The following CUX2 variants were observed in gnomAD, a reference collection of about 807,000 sequenced individuals.
CUX2 encodes homeobox protein cut-like 2.
In CUX2, 40 loss-of-function variants were observed where a neutral mutation model predicts 144.8. That is an observed-to-expected ratio of 0.28 (90% CI 0.21 to 0.36). CUX2 has a LOEUF of 0.36. Among genes scored for constraint, CUX2 ranks in the 10% least tolerant of loss-of-function variants. The pLI is 1.00. For synonymous variants in CUX2, 827 were observed against 875.6 expected, an observed-to-expected ratio of 0.94 and a Z score of 0.98; for missense variants, 1,615 against 1,994.0, an observed-to-expected ratio of 0.81 and a Z score of 3.62.
At chr12:111,339,239 A>C (rs1011013611) in intron 20 of CUX2, among the ~76,000 whole-genome samples, 1 of 151,994 alleles carries the variant, frequency 6.6e-6, no homozygotes, top group African/African-American at 2.4e-5. Context: ...CAAAAAAAAA[A>C]AGAAAGAAAC....
rs759448607 is a variant in CUX2, at chr12:111,347,473, G to T, written c.3660-51G>T. ...TGCCATGTATGCAGATGGAGTCCAG[G>T]GTTTGGGAGTCCCCTGTCCAGCCCC... On this transcript the variant is annotated intron_variant, in intron 21 of 21. Coordinates refer to ENST00000261726, the MANE Select transcript of CUX2 (RefSeq NM_015267.4). The T allele has an allele frequency of 9.3e-6, 14 of 1,511,494 alleles. No individual in the cohort carries two copies. In the South Asian group the frequency reaches 1.8e-4, roughly 20 times the overall value. The allele number at this position is 1,511,494 out of a possible 1,614,324, so 93.6% of individuals were successfully genotyped here. A position where few individuals can be genotyped will look rare whatever the true frequency, so the allele number is the denominator to read the frequency against.
At chr12:111,054,416 C>T (rs566654379) in intron 1 of CUX2, among the ~76,000 whole-genome samples, 11 of 152,220 alleles carry the variant, frequency 7.2e-5, no homozygotes, top group Non-Finnish European at 1.5e-4. Flanking sequence ...ACTCTGCCTT[C>T]TCTGGCCTCA....
At chr12:111,137,178 C>G (rs1241917846) in intron 1 of CUX2, among the ~76,000 whole-genome samples, 1 of 151,970 alleles carries the variant, frequency 6.6e-6, no homozygotes, top group Non-Finnish European at 1.5e-5. Context: ...AAAGTGATCC[C>G]CCTGCCTGGG....
chr12:111,039,265 G>C lies in CUX2; in HGVS notation c.63+5025G>C, dbSNP rs370303286. On this transcript the variant is annotated intron_variant, in intron 1 of 21. Transcript: ENST00000261726. The surrounding 1 kb of genome is among the most constrained non-coding windows in gnomAD (Gnocchi z 4.2). ...CTTTGTTCCTGGCCTTGGGATTCAG[G>C]GTCCCATCTTCTGTTTGATATTTTT... Among the ~76,000 whole-genome samples, 118 of 152,064 alleles carry C rather than the reference G, an allele frequency of 7.8e-4. 1 individual carries two copies. The South Asian group carries it at 0.011, about 14-fold the overall frequency.
rs1869906803 is a variant in CUX2 at position 111,044,515 on chromosome 12, C to CT, written c.63+10277dup. Among the ~76,000 whole-genome samples the CT allele has an allele frequency of 3.3e-5, 5 of 152,222 alleles. No homozygotes were observed. In the South Asian group the frequency reaches 1.0e-3, roughly 32 times the overall value. On this transcript the variant is annotated intron_variant, in intron 1 of 21. Transcript: ENST00000261726. ...TCTGAGACAATTTCCAAACACCTCC[C>CT]TTCAGTTAGTTTGGTCCTTTGCTTG... is the stretch of plus-strand genomic sequence containing the variant.
chr12:111,333,453 T>G (rs1888206232), intron 18 of CUX2, among the ~76,000 whole-genome samples: 1 of 152,154 alleles, frequency 6.6e-6, no homozygotes, highest in African/African-American at 2.4e-5. Flanking sequence ...AGATCACTTG[T>G]GTTTAGTTTT....
At position 111,295,471 on chromosome 12, in the gene CUX2, G is replaced by A. The variant is rs757613391; in HGVS notation, c.637+62G>A. 20 of 1,434,044 alleles carry A rather than the reference G, an allele frequency of 1.4e-5. No homozygotes were observed. The highest frequency in any genetic ancestry group is 1.7e-5 in the Non-Finnish European group (18 of 1,043,086). The allele number at this position is 1,434,044 out of a possible 1,614,324, so 88.8% of individuals were successfully genotyped here. ...GGGAGGGGACGGTAATGCTGTCAAC[G>A]AGGGGTCACGGCTTGGGGTCTGCCA... is the stretch of plus-strand genomic sequence containing the variant. On this transcript the variant is annotated intron_variant, in intron 7 of 21. Transcript: ENST00000261726. The surrounding 1 kb of genome is among the most constrained non-coding windows in gnomAD (Gnocchi z 5.0).
At chr12:111,268,790 A>G (rs1239675560) in intron 4 of CUX2, among the ~76,000 whole-genome samples, 3 of 152,044 alleles carry the variant, frequency 2.0e-5, no homozygotes, top group Non-Finnish European at 4.4e-5. Flanking sequence ...AGAAAAAGAC[A>G]CCCTCTTATT....
intron 1 of CUX2, among the ~76,000 whole-genome samples, chr12:111,146,483 C>T (rs909148190): frequency 1.3e-5 from 2 of 152,162 alleles, no homozygotes; most frequent in African/African-American, 4.8e-5. Flanking sequence ...GTCTGTGATA[C>T]TTCTGCATGG....
chr12:111,314,167 G>A (rs556579899), intron 16 of CUX2, among the ~76,000 whole-genome samples: 2 of 152,344 alleles, frequency 1.3e-5, no homozygotes, highest in South Asian at 4.1e-4. Context: ...AGAGAAGGAT[G>A]TAATTATGCA....
intron 1 of CUX2, among the ~76,000 whole-genome samples, chr12:111,165,455 A>G (rs1878075845): frequency 6.6e-6 from 1 of 152,232 alleles, no homozygotes; most frequent in Non-Finnish European, 1.5e-5. Context: ...TGTCTCTACC[A>G]AGACGGTCAG....
intron 1 of CUX2, among the ~76,000 whole-genome samples, chr12:111,078,692 G>T (rs1871676911): frequency 6.6e-6 from 1 of 152,070 alleles, no homozygotes; most frequent in Non-Finnish European, 1.5e-5. Flanking sequence ...GTCAGCGAAG[G>T]AGTTTGGGTT....
At chr12:111,217,286 C>G (rs536557591) in intron 2 of CUX2, among the ~76,000 whole-genome samples, 3 of 152,176 alleles carry the variant, frequency 2.0e-5, no homozygotes, top group Non-Finnish European at 4.4e-5. Context: ...ATAAACCCAG[C>G]CTAGACTGCA....
At chr12:111,084,034 G>A (rs761585116) in intron 1 of CUX2, among the ~76,000 whole-genome samples, 25 of 152,160 alleles carry the variant, frequency 1.6e-4, no homozygotes, top group African/African-American at 5.3e-4. Context: ...AGCTGAGGAC[G>A]GAAGGATGAG....
rs1870585808 is a variant in CUX2 at position 111,057,569 on chromosome 12, T to C, written c.63+23329T>C. On this transcript the variant is annotated intron_variant, in intron 1 of 21. Coordinates refer to ENST00000261726, the MANE Select transcript of CUX2 (RefSeq NM_015267.4). The surrounding 1 kb of genome is among the most constrained non-coding windows in gnomAD (Gnocchi z 5.1). ...CAGACCTCCTTACACGGGCCCCATCTTTCTCCCTGCCCTAGCCTCCACCAT... is the reference window on the plus strand; with the variant it reads ...CAGACCTCCTTACACGGGCCCCATCCTTCTCCCTGCCCTAGCCTCCACCAT... Among the ~76,000 whole-genome samples, 2 of 152,080 alleles carry C rather than the reference T, an allele frequency of 1.3e-5. No homozygotes were observed. Among genetic ancestry groups the C allele is most frequent in the Admixed American group, 1.3e-4 (2 of 15,268 alleles).
Position 111,312,190 on chromosome 12 carries a change from C to T in CUX2, c.1991C>T (p.Ser664Leu), listed in dbSNP as rs1420860747. Reference protein sequence around the residue: ...ILEQAKKEIESQKGGEPKTSV... With the variant: ...ILEQAKKEIELQKGGEPKTSV... The stretch of plus-strand genomic sequence containing the variant: ...GAGCAGGCCAAGAAGGAGATCGAGT[C>T]GCAGAAGGGCGGTGAGTGTGACCCC... Residue 664 changes from serine to leucine, a missense_variant, in exon 16 of 22, where the codon TCG (serine) becomes TTG (leucine). This residue lies in a region of CUX2 where 390 missense variants were observed against 387.1 expected (regional missense o/e 1.01). Coordinates refer to ENST00000261726, the MANE Select transcript of CUX2 (RefSeq NM_015267.4). The surrounding 1 kb of genome is among the most constrained non-coding windows in gnomAD (Gnocchi z 4.3). 6.2e-6 allele frequency: 10 copies of T among 1,607,094 alleles called. No individual in the cohort carries two copies. Among genetic ancestry groups the T allele is most frequent in the South Asian group, 3.3e-5 (3 of 90,206 alleles).
intron 3 of CUX2, among the ~76,000 whole-genome samples, chr12:111,227,198 T>C (rs1018566969): frequency 6.6e-6 from 1 of 152,214 alleles, no homozygotes; most frequent in African/African-American, 2.4e-5. Context: ...TATTTACTCA[T>C]GCGTTCAGGA....
rs368814185 is a variant in CUX2 at position 111,345,432 on chromosome 12, G to T, written c.3660-2092G>T. Among the ~76,000 whole-genome samples, 188 of 119,550 alleles carry T rather than the reference G, an allele frequency of 1.6e-3. 3 individuals are homozygous for T. The South Asian group carries it at 0.051, about 32-fold the overall frequency. The allele number at this position is 119,550 out of a possible 152,430, so 78.4% of individuals were successfully genotyped here. On this transcript the variant is annotated intron_variant, in intron 21 of 21. Coordinates refer to ENST00000261726, the MANE Select transcript of CUX2 (RefSeq NM_015267.4). ...CTGCACTCCAGCCTGGCAACAAAGT[G>T]AGACTCCATCTCAAAAAAAAAAAAA...
chr12:111,350,348 T>G lies in CUX2; in HGVS notation c.*2023T>G, dbSNP rs560729357. On this transcript the variant is annotated 3_prime_UTR_variant, in exon 22 of 22. Coordinates refer to ENST00000261726, the MANE Select transcript of CUX2 (RefSeq NM_015267.4). ...TGACGGGATTTGATTAAGCACTTAG[T>G]ATAGTCTTTTGAACACGGAAATCCT... The G allele has an allele frequency of 1.3e-5, 2 of 152,524 alleles. No individual in the cohort carries two copies. Among genetic ancestry groups the G allele is most frequent in the South Asian group, 4.1e-4 (2 of 4,824 alleles). 9.4% of individuals were successfully genotyped at this position (152,524 alleles called of 1,614,324 possible).
Sources: gnomAD v4.1 joint callset for allele counts (sites outside exome capture counted in the v4.1 genomes callset) on GRCh38, gnomAD v4.1.1 for gene constraint, gnomAD v4.1.1 regional missense constraint, Gnocchi (gnomAD v3.1) non-coding constraint, MANE v1.5 for transcripts, NCBI Gene and HGNC (gene_info 2026-07-23, HGNC 2026-07-21) for gene names.